LRRK1: variants seen among roughly 807,000 people sequenced by gnomAD.
LRRK1 encodes leucine rich repeat kinase 1.
In LRRK1, 113 loss-of-function variants were observed where a neutral mutation model predicts 209.1. The ratio of observed to expected loss-of-function variants is 0.54; its 90% confidence interval spans 0.46 to 0.63. The LOEUF (loss-of-function observed/expected upper bound fraction) is 0.63, where lower values mean the gene tolerates loss of function less well. Ranked by LOEUF, LRRK1 falls within the 30% of genes least tolerant of loss-of-function variation. The pLI is 0.00. For synonymous variants in LRRK1, 1,144 were observed against 1,099.7 expected, an observed-to-expected ratio of 1.04 and a Z score of -0.80; for missense variants, 2,284 against 2,632.2, an observed-to-expected ratio of 0.87 and a Z score of 2.89.
intron 10 of LRRK1, among the ~76,000 whole-genome samples, chr15:101,013,124 G>A (rs535465989): frequency 1.6e-4 from 24 of 152,138 alleles, no homozygotes; most frequent in South Asian, 6.2e-4. Flanking sequence ...GTGTCTGCTC[G>A]AGGTCTCCTT....
chr15:100,960,277 C>CTTTTTTTTTTTTTTTTTTTTCTTT (rs3031656), intron 2 of LRRK1, among the ~76,000 whole-genome samples: 1 of 116,760 alleles, frequency 8.6e-6, no homozygotes, highest in Non-Finnish European at 1.7e-5. Context: ...GTTCATATTG[C>CTTTTTTTTTTTTTTTTTTTTCTTT]TTTTTTTTTT....
At position 100,983,414 on chromosome 15, in the gene LRRK1, C is replaced by G. The variant is rs548913133; in HGVS notation, c.262-114C>G. ...GTCACACTTGGCAGGTGCTGCCGTT[C>G]TGGACAACACAACTCCAGTCCTGCT... On this transcript the variant is annotated intron_variant, in intron 3 of 33. Transcript: ENST00000388948. 33 of 977,172 alleles carry G rather than the reference C, an allele frequency of 3.4e-5. No homozygotes were observed. The African/African-American group carries it at 5.0e-4, about 15-fold the overall frequency. The allele number at this position is 977,172 out of a possible 1,614,324, so 60.5% of individuals were successfully genotyped here.
At chr15:101,035,610 G>A (rs1010754824) in intron 20 of LRRK1, among the ~76,000 whole-genome samples, 1 of 152,056 alleles carries the variant, frequency 6.6e-6, no homozygotes, top group African/African-American at 2.4e-5. Context: ...TTCAGCCAGT[G>A]TACACCTTTT....
At chr15:101,053,775 G>A (rs935176446) in intron 26 of LRRK1, among the ~76,000 whole-genome samples, 1 of 138,720 alleles carries the variant, frequency 7.2e-6, no homozygotes, top group Non-Finnish European at 1.6e-5. Context: ...AACTGCACAC[G>A]TACACGGCTG....
intron 2 of LRRK1, among the ~76,000 whole-genome samples, chr15:100,941,244 C>CTG (rs1447537640): frequency 2.4e-4 from 26 of 107,502 alleles, no homozygotes; most frequent in Non-Finnish European, 4.0e-4. Context: ...CTGTGTGTGT[C>CTG]TGTCTGTGTG....
chr15:101,066,555 C>A (rs2036539210), intron 32 of LRRK1, 85 bp from the exon 33 acceptor site: 3 of 1,253,080 alleles, frequency 2.4e-6, no homozygotes, highest in Non-Finnish European at 1.2e-6. Context: ...TGCCTCCCTC[C>A]CGCACCTTTC....
chr15:100,921,858 C>T (rs1452042465), intron 1 of LRRK1, among the ~76,000 whole-genome samples: 2 of 152,100 alleles, frequency 1.3e-5, no homozygotes, highest in Non-Finnish European at 2.9e-5. Context: ...GCTGGGATTA[C>T]AGGCGCCCAC....
At chr15:100,927,344 C>G (rs2042133955) in intron 2 of LRRK1, among the ~76,000 whole-genome samples, 1 of 152,166 alleles carries the variant, frequency 6.6e-6, no homozygotes, top group Admixed American at 6.5e-5. Flanking sequence ...CCATGATTCT[C>G]CCTAAAGGCC....
At chr15:101,003,065 G>T (rs553671961) in intron 6 of LRRK1, among the ~76,000 whole-genome samples, 146 of 152,254 alleles carry the variant, frequency 9.6e-4, no homozygotes, top group Middle Eastern at 6.8e-3. Flanking sequence ...ATTTTTTCTA[G>T]TTTCTCTCTG....
chr15:100,972,803 T>G (rs141361235), intron 2 of LRRK1, among the ~76,000 whole-genome samples: 45 of 152,288 alleles, frequency 3.0e-4, no homozygotes, highest in African/African-American at 1.0e-3. Context: ...AGAATTCAAC[T>G]GCTCATCCAT....
At position 101,073,619 on chromosome 15, in the gene LRRK1, C is replaced by G. The variant is rs1016455051; in HGVS notation, c.*4771C>G. 1 of 152,168 alleles carries G rather than the reference C, an allele frequency of 6.6e-6. No homozygotes were observed. The highest frequency in any genetic ancestry group is 1.5e-5 in the Non-Finnish European group (1 of 68,044). The allele number at this position is 152,168 out of a possible 1,614,324, so 9.4% of individuals were successfully genotyped here. On this transcript the variant is annotated 3_prime_UTR_variant, in exon 34 of 34. Transcript: ENST00000388948. ...ACCTCTTATCTCTGTGCCCCAATCC[C>G]TTATTTCCATGCCCCCACCTCTTAT... is the stretch of plus-strand genomic sequence containing the variant.
intron 2 of LRRK1, among the ~76,000 whole-genome samples, chr15:100,944,528 T>C (rs1441323523): frequency 5.3e-5 from 8 of 152,354 alleles, no homozygotes; most frequent in Admixed American, 3.3e-4. Flanking sequence ...AATCACTCAC[T>C]GGGTTCACCT....
intron 9 of LRRK1, 31 bp from the exon 10 acceptor site, chr15:101,011,977 T>G: frequency 6.5e-7 from 1 of 1,536,996 alleles, no homozygotes; most frequent in Non-Finnish European, 8.9e-7. Context: ...AGCTAACTAA[T>G]ATACATTTTT....
chr15:101,020,283 CAT>C (rs996385729), intron 12 of LRRK1, among the ~76,000 whole-genome samples: 38 of 151,032 alleles, frequency 2.5e-4, no homozygotes, highest in South Asian at 8.4e-4. Context: ...GTGCATATAA[CAT>C]ATACATGGTA....
At position 100,981,072 on chromosome 15, in the gene LRRK1, G is replaced by T. The variant is rs542717969; in HGVS notation, c.262-2456G>T. ...CTGGAAGGCATCCTTTGCAGAGGGC[G>T]ACTGGGAGGTAAAGGCATAGAGAGA... On this transcript the variant is annotated intron_variant, in intron 3 of 33. Transcript: ENST00000388948. Among the ~76,000 whole-genome samples the T allele has an allele frequency of 1.4e-4, 21 of 152,328 alleles. No individual in the cohort carries two copies. In the South Asian group the frequency reaches 3.1e-3, roughly 23 times the overall value.
At chr15:100,920,752 T>G (rs2042006825) in intron 1 of LRRK1, among the ~76,000 whole-genome samples, 1 of 150,166 alleles carries the variant, frequency 6.7e-6, no homozygotes, top group African/African-American at 2.4e-5. Flanking sequence ...CGTGCGTCTG[T>G]GTGTGTCTGT....
At position 101,027,809 on chromosome 15, in the gene LRRK1, T is replaced by C; in HGVS notation, c.2686+12T>C. 3 of 1,559,608 alleles carry C rather than the reference T, an allele frequency of 1.9e-6. No individual in the cohort carries two copies. Among genetic ancestry groups the C allele is most frequent in the Non-Finnish European group, 2.6e-6 (3 of 1,150,284 alleles). ...GGACCTGCAGTCAGGTGGGTGGGGC[T>C]GGGGTAGGTGGCAGGGTGCCCGTGA... On this transcript the variant is annotated intron_variant, in intron 19 of 33. Coordinates refer to ENST00000388948, the MANE Select transcript of LRRK1 (RefSeq NM_024652.6). This position sits in a 1 kb window ranked among gnomAD's most constrained non-coding sequence, Gnocchi z 5.1.
intron 2 of LRRK1, among the ~76,000 whole-genome samples, chr15:100,933,778 C>T (rs1269953278): frequency 8.1e-6 from 1 of 123,576 alleles, no homozygotes; most frequent in Non-Finnish European, 1.6e-5. Flanking sequence ...GCTGAGATCA[C>T]ACCACTCCAC....
At chr15:101,000,613 G>A (rs2032639508) in intron 6 of LRRK1, among the ~76,000 whole-genome samples, 1 of 152,154 alleles carries the variant, frequency 6.6e-6, no homozygotes, top group African/African-American at 2.4e-5. Flanking sequence ...CAGCTGCTGG[G>A]GACTGCTGGT....
Sources: gnomAD v4.1 joint callset for allele counts (sites outside exome capture counted in the v4.1 genomes callset) on GRCh38, gnomAD v4.1.1 for gene constraint, Gnocchi (gnomAD v3.1) non-coding constraint, MANE v1.5 for transcripts, NCBI Gene and HGNC (gene_info 2026-07-23, HGNC 2026-07-21) for gene names.